Variants in MON1A observed in about 807,000 individuals in gnomAD.
The protein encoded by MON1A is vacuolar fusion protein MON1 homolog A.
A neutral mutation model predicts 44.6 loss-of-function variants in MON1A; 29 were observed. The ratio of observed to expected loss-of-function variants is 0.65; its 90% CI spans 0.48 to 0.89. MON1A has a LOEUF of 0.89. Among genes scored for constraint, MON1A ranks in the 40% least tolerant of loss-of-function variants. The pLI, the probability that MON1A is intolerant of heterozygous loss-of-function variation, is 0.00. For synonymous variants in MON1A, 275 were observed against 316.4 expected, an observed-to-expected ratio of 0.87 and a Z score of 1.39; for missense variants, 615 against 759.6, an observed-to-expected ratio of 0.81 and a Z score of 2.24.
rs1559492038 is a variant in MON1A at position 49,911,250 on chromosome 3, T to TAGA, written c.613+275_613+276insTCT. ...GATAGATAGATAGATAGATAGAGTT[T>TAGA]GTTGTTGTTGTTGTTGTTGCCTCCC... On this transcript the variant is annotated intron_variant, in intron 3 of 5. Transcript: ENST00000296473. This position sits in a 1 kb window ranked among gnomAD's most constrained non-coding sequence, Gnocchi z 5.7. 1.0e-5 allele frequency among the ~76,000 whole-genome samples: 1 copy of TAGA among 99,708 alleles called. No individual in the cohort carries two copies. Among genetic ancestry groups the TAGA allele is most frequent in the African/African-American group, 3.6e-5 (1 of 28,042 alleles). The allele number at this position is 99,708 out of a possible 152,430, so 65.4% of individuals were successfully genotyped here.
In MON1A at chr3:49,910,057, C is replaced by T; in HGVS notation, c.1379+62G>A. 6.6e-7 allele frequency: 1 copy of T among 1,509,910 alleles called. No individual in the cohort carries two copies. Among genetic ancestry groups the T allele is most frequent in the South Asian group, 1.3e-5 (1 of 75,698 alleles). The allele number at this position is 1,509,910 out of a possible 1,614,324, so 93.5% of individuals were successfully genotyped here. A position where few individuals can be genotyped will look rare whatever the true frequency, so the allele number is the denominator to read the frequency against. On this transcript the variant is annotated intron_variant, in intron 4 of 5. Coordinates refer to ENST00000296473, the MANE Select transcript of MON1A (RefSeq NM_032355.4). This position sits in a 1 kb window ranked among gnomAD's most constrained non-coding sequence, Gnocchi z 8.0. ...CTACATCTCAGAGCTCAGGACCAAACAGCCTCCCGACTCCACATGTCCCTG... is the reference window on the plus strand; with the variant it reads ...CTACATCTCAGAGCTCAGGACCAAATAGCCTCCCGACTCCACATGTCCCTG...
chr3:49,925,736 CTCAA>C (rs995789028), intron 1 of MON1A, among the ~76,000 whole-genome samples: 12 of 152,276 alleles, frequency 7.9e-5, no homozygotes, highest in South Asian at 2.1e-4. Context: ...AAGACCCTGT[CTCAA>C]TCAATCAATC....
chr3:49,910,044 G>T lies in MON1A; in HGVS notation c.1379+75C>A. On this transcript the variant is annotated intron_variant, in intron 4 of 5. Transcript: ENST00000296473. This position sits in a 1 kb window ranked among gnomAD's most constrained non-coding sequence, Gnocchi z 8.0. ...GACAGCTTCAGGGCTACATCTCAGA[G>T]CTCAGGACCAAACAGCCTCCCGACT... 1 of 1,481,204 alleles carries T rather than the reference G, an allele frequency of 6.8e-7. No homozygotes were observed. The highest frequency in any genetic ancestry group is 9.1e-7 in the Non-Finnish European group (1 of 1,101,200). 91.8% of individuals were successfully genotyped at this position (1,481,204 alleles called of 1,614,324 possible).
rs549365734 is a variant in MON1A, at chr3:49,929,290, CT to C, written c.-14+318del. ...CCGCTCATCCCAGTTACCTCTGTTGCTTTTTGAGAAGACTCTACCGGCCGAA... is the reference window on the plus strand; with the variant it reads ...CCGCTCATCCCAGTTACCTCTGTTGCTTTTGAGAAGACTCTACCGGCCGAA... On this transcript the variant is annotated intron_variant, in intron 1 of 5. Coordinates refer to ENST00000296473, the MANE Select transcript of MON1A (RefSeq NM_032355.4). 344 of 430,328 alleles carry C rather than the reference CT, an allele frequency of 8.0e-4. 2 individuals carry two copies. Among genetic ancestry groups the C allele is most frequent in the African/African-American group, 6.5e-3 (310 of 47,352 alleles). The allele number at this position is 430,328 out of a possible 1,614,324, so 26.7% of individuals were successfully genotyped here. A position where few individuals can be genotyped will look rare whatever the true frequency, so the allele number is the denominator to read the frequency against.
intron 1 of MON1A, among the ~76,000 whole-genome samples, chr3:49,925,162 C>T (rs556717447): frequency 9.2e-5 from 14 of 152,050 alleles, no homozygotes; most frequent in Non-Finnish European, 1.6e-4. Flanking sequence ...CCACCCAGGC[C>T]GAAGTGCAAT....
In MON1A at chr3:49,911,221, G is replaced by GATAGATAGATAGATGATAGATAC. The variant is rs1240027169; in HGVS notation, c.613+304_613+305insGTATCTATCATCTATCTATCTAT. Among the ~76,000 whole-genome samples the GATAGATAGATAGATGATAGATAC allele has an allele frequency of 2.4e-3, 356 of 151,208 alleles. 1 individual carries two copies. Among genetic ancestry groups the GATAGATAGATAGATGATAGATAC allele is most frequent in the African/African-American group, 5.0e-3 (203 of 40,990 alleles). On this transcript the variant is annotated intron_variant, in intron 3 of 5. Coordinates refer to ENST00000296473, the MANE Select transcript of MON1A (RefSeq NM_032355.4). This position sits in a 1 kb window ranked among gnomAD's most constrained non-coding sequence, Gnocchi z 5.7. Reference sequence around the variant, plus strand: ...AGATAGATAGATAGATAGATAGATAGATAGATAGATAGATAGATAGATAGA... The same window carrying GATAGATAGATAGATGATAGATAC: ...AGATAGATAGATAGATAGATAGATAGATAGATAGATAGATGATAGATACATAGATAGATAGATAGATAGATAGA...
chr3:49,926,475 G>T (rs1212547789), intron 1 of MON1A, among the ~76,000 whole-genome samples: 1 of 151,800 alleles, frequency 6.6e-6, no homozygotes, highest in Non-Finnish European at 1.5e-5. Flanking sequence ...TATTTTTTTT[G>T]AGACAGAATC....
intron 1 of MON1A, among the ~76,000 whole-genome samples, chr3:49,927,069 G>A (rs1054554548): frequency 6.6e-6 from 1 of 152,098 alleles, no homozygotes; most frequent in Non-Finnish European, 1.5e-5. Context: ...ATGAGCCACC[G>A]CGCCCAGCTG....
At position 49,909,556 on chromosome 3, in the gene MON1A, C is replaced by T. The variant is rs920678941; in HGVS notation, c.1380-156G>A. The T allele has an allele frequency of 1.1e-6, 1 of 934,044 alleles. No homozygotes were observed. The highest frequency in any genetic ancestry group is 1.6e-6 in the Non-Finnish European group (1 of 633,954). 57.9% of individuals were successfully genotyped at this position (934,044 alleles called of 1,614,324 possible). A position where few individuals can be genotyped will look rare whatever the true frequency, so the allele number is the denominator to read the frequency against. ...ACAGGGCATTGTCTCCCCACCATAG[C>T]AGGCACCCCAGGACAGGGCTGGGCC... On this transcript the variant is annotated intron_variant, in intron 4 of 5. Transcript: ENST00000296473. This position sits in a 1 kb window ranked among gnomAD's most constrained non-coding sequence, Gnocchi z 4.0.
intron 1 of MON1A, among the ~76,000 whole-genome samples, chr3:49,926,042 T>C (rs1440783107): frequency 6.6e-6 from 1 of 152,216 alleles, no homozygotes; most frequent in East Asian, 1.9e-4. Flanking sequence ...AACTCTGTAA[T>C]GGTCCCACCT....
intron 1 of MON1A, among the ~76,000 whole-genome samples, chr3:49,917,838 G>T (rs1338489052): frequency 2.0e-5 from 3 of 151,682 alleles, no homozygotes; most frequent in Non-Finnish European, 4.4e-5. Context: ...CCTGAGGTCG[G>T]GAGTTTGAGA....
intron 1 of MON1A, among the ~76,000 whole-genome samples, chr3:49,922,559 G>A (rs1442149867): frequency 6.8e-6 from 1 of 147,192 alleles, no homozygotes; most frequent in Non-Finnish European, 1.5e-5. Flanking sequence ...GGGAAAGAAG[G>A]AGGGAAGGAA....
Position 49,909,925 on chromosome 3 carries a change from G to T in MON1A, c.1379+194C>A. The T allele has an allele frequency of 1.7e-6, 1 of 604,232 alleles. No individual in the cohort carries two copies. Among genetic ancestry groups the T allele is most frequent in the Non-Finnish European group, 2.9e-6 (1 of 350,698 alleles). 37.4% of individuals were successfully genotyped at this position (604,232 alleles called of 1,614,324 possible). A position where few individuals can be genotyped will look rare whatever the true frequency, so the allele number is the denominator to read the frequency against. ...ATTTCCAGGCCTTCTGGTTAATAAA[G>T]TAGAGAGGGTATGCTCATGGGGTGA... is the stretch of plus-strand genomic sequence containing the variant. On this transcript the variant is annotated intron_variant, in intron 4 of 5. Transcript: ENST00000296473. This position sits in a 1 kb window ranked among gnomAD's most constrained non-coding sequence, Gnocchi z 4.0.
chr3:49,929,378 G>GC, intron 1 of MON1A: 2 of 599,892 alleles, frequency 3.3e-6, no homozygotes, highest in Non-Finnish European at 5.9e-6. Flanking sequence ...CCTGGCCACT[G>GC]CCCCCTACCG....
At chr3:49,913,115 G>A (rs756985070) in intron 2 of MON1A, 105 bp downstream of exon 2, 1 of 1,476,652 alleles carries the variant, frequency 6.8e-7, no homozygotes, top group South Asian at 1.1e-5. Context: ...ATGAGTGACT[G>A]ACAAATGCAT....
chr3:49,921,292 G>A (rs1203734544), intron 1 of MON1A, among the ~76,000 whole-genome samples: 2 of 151,274 alleles, frequency 1.3e-5, no homozygotes, highest in East Asian at 4.1e-4. Flanking sequence ...CGAGTAGCTG[G>A]GACTACAGAC....
rs943370894 is a variant in MON1A, at chr3:49,909,515, C to T, written c.1380-115G>A. On this transcript the variant is annotated intron_variant, in intron 4 of 5. Coordinates refer to ENST00000296473, the MANE Select transcript of MON1A (RefSeq NM_032355.4). The surrounding 1 kb of genome is among the most constrained non-coding windows in gnomAD (Gnocchi z 4.0). ...AGACTCTATCTTATGTCCTACCCTC[C>T]AGGTGCTCCCTTAGGACAGGGCATT... 6.3e-5 allele frequency: 89 copies of T among 1,401,728 alleles called. No homozygotes were observed. The highest frequency in any genetic ancestry group is 5.2e-4 in the Middle Eastern group (2 of 3,846). The allele number at this position is 1,401,728 out of a possible 1,614,324, so 86.8% of individuals were successfully genotyped here. A position where few individuals can be genotyped will look rare whatever the true frequency, so the allele number is the denominator to read the frequency against.
intron 1 of MON1A, 149 bp from the exon 2 acceptor site, chr3:49,913,508 A>T (rs937668475): frequency 4.2e-6 from 3 of 706,000 alleles, no homozygotes; most frequent in Middle Eastern, 3.5e-4. Context: ...CTTTCAAAAA[A>T]ATATATACTG....
intron 1 of MON1A, among the ~76,000 whole-genome samples, chr3:49,914,365 G>C (rs1189930301): frequency 6.6e-6 from 1 of 151,562 alleles, no homozygotes; most frequent in African/African-American, 2.4e-5. Context: ...TTACAGGTGT[G>C]AGCCACCGTG....
Sources: allele counts gnomAD v4.1 joint callset (sites outside exome capture counted in the v4.1 genomes callset), GRCh38; gene constraint gnomAD v4.1.1; non-coding constraint Gnocchi (gnomAD v3.1); transcripts MANE v1.5; gene names NCBI Gene and HGNC (gene_info 2026-07-23, HGNC 2026-07-21).